The following CERS3 variants were observed in gnomAD, a reference collection of about 807,000 sequenced individuals.
CERS3 encodes ceramide synthase 3.
A neutral mutation model predicts 50.3 loss-of-function variants in CERS3; 33 were observed. The ratio of observed to expected loss-of-function variants is 0.66; its 90% CI spans 0.50 to 0.88. The LOEUF (loss-of-function observed/expected upper bound fraction) is 0.88, where lower values mean the gene tolerates loss of function less well. Among genes scored for constraint, CERS3 ranks in the 40% least tolerant of loss-of-function variants. CERS3 has a pLI of 0.00. For synonymous variants in CERS3, 176 were observed against 155.2 expected, an observed-to-expected ratio of 1.13 and a Z score of -0.99; for missense variants, 470 against 460.3, an observed-to-expected ratio of 1.02 and a Z score of -0.19.
At chr15:100,406,941 G>C (rs143770758) in intron 11 of CERS3, among the ~76,000 whole-genome samples, 2,768 of 152,326 alleles carry the variant, frequency 0.018, 29 homozygotes, top group Middle Eastern at 0.085. Flanking sequence ...CGGGCAAAGA[G>C]AGAGAGAGAG....
chr15:100,533,992 G>C (rs1254103704), intron 1 of CERS3, among the ~76,000 whole-genome samples: 2 of 152,178 alleles, frequency 1.3e-5, no homozygotes, highest in Non-Finnish European at 2.9e-5. Context: ...ATGCAAAGGA[G>C]TCTTAGAATT....
chr15:100,461,390 A>C (rs765477875), intron 10 of CERS3, among the ~76,000 whole-genome samples: 2 of 152,154 alleles, frequency 1.3e-5, no homozygotes, highest in African/African-American at 2.4e-5. Context: ...CTGGGCAGAG[A>C]GGAGAGGCCA....
chr15:100,541,629 G>A (rs146770010), intron 1 of CERS3, among the ~76,000 whole-genome samples: 1 of 152,122 alleles, frequency 6.6e-6, no homozygotes, highest in East Asian at 1.9e-4. Flanking sequence ...TTTGTTGGGT[G>A]CTGTTTGAAC....
At chr15:100,411,275 C>T (rs1389247755) in intron 11 of CERS3, among the ~76,000 whole-genome samples, 2 of 152,132 alleles carry the variant, frequency 1.3e-5, no homozygotes, top group Non-Finnish European at 2.9e-5. Flanking sequence ...GATTCTCCTG[C>T]CTCAGCCTCC....
intron 11 of CERS3, among the ~76,000 whole-genome samples, chr15:100,417,251 G>T (rs893025210): frequency 6.6e-6 from 1 of 151,798 alleles, no homozygotes; most frequent in Non-Finnish European, 1.5e-5. Flanking sequence ...GAAGCAGGGC[G>T]AGGCATTGCC....
intron 3 of CERS3, among the ~76,000 whole-genome samples, chr15:100,499,333 C>G (rs2035929407): frequency 2.6e-5 from 4 of 152,016 alleles, no homozygotes. Context: ...AACTAGTAGT[C>G]TGGACAAAAT....
chr15:100,469,539 T>A (rs2034897088), intron 9 of CERS3, 55 bp from the exon 10 acceptor site: 1 of 1,252,302 alleles, frequency 8.0e-7, no homozygotes, highest in African/African-American at 1.5e-5. Context: ...ATTTTTAAAG[T>A]TAAATTTATA....
intron 11 of CERS3, among the ~76,000 whole-genome samples, chr15:100,423,571 G>C (rs1596634327): frequency 6.6e-6 from 1 of 152,134 alleles, no homozygotes; most frequent in Non-Finnish European, 1.5e-5. Flanking sequence ...GACACAAAGA[G>C]GGGTACAACA....
intron 4 of CERS3, among the ~76,000 whole-genome samples, chr15:100,489,182 C>G (rs1217877753): frequency 2.0e-5 from 3 of 152,200 alleles, no homozygotes; most frequent in Non-Finnish European, 4.4e-5. Flanking sequence ...CAGCACCAGT[C>G]TTTAAAATAT....
chr15:100,484,799 G>C, intron 4 of CERS3, 131 bp from the exon 5 acceptor site: 1 of 677,964 alleles, frequency 1.5e-6, no homozygotes, highest in Non-Finnish European at 2.6e-6. Flanking sequence ...GAGACCTGGA[G>C]CCAGGGAATT....
intron 11 of CERS3, among the ~76,000 whole-genome samples, chr15:100,452,841 A>G (rs2034222133): frequency 6.6e-6 from 1 of 152,146 alleles, no homozygotes. Context: ...ACAGAAATAT[A>G]AAGATTATCA....
intron 11 of CERS3, among the ~76,000 whole-genome samples, chr15:100,449,822 G>A (rs957233869): frequency 2.5e-4 from 38 of 149,374 alleles, no homozygotes; most frequent in Middle Eastern, 3.6e-3. Context: ...TTAAGGACAC[G>A]GAAACATAAA....
intron 1 of CERS3, among the ~76,000 whole-genome samples, chr15:100,536,409 C>G (rs1567691440): frequency 6.6e-6 from 1 of 152,140 alleles, no homozygotes; most frequent in Non-Finnish European, 1.5e-5. Flanking sequence ...TTTAGCCTCC[C>G]AAGTAGCTGG....
intron 1 of CERS3, among the ~76,000 whole-genome samples, chr15:100,534,503 A>C (rs1230608108): frequency 4.0e-5 from 6 of 151,532 alleles, no homozygotes; most frequent in Non-Finnish European, 8.8e-5. Flanking sequence ...AAGGAAAATA[A>C]ATCTTGGGGC....
chr15:100,495,126 A>G (rs1490766421), intron 3 of CERS3, among the ~76,000 whole-genome samples: 3 of 152,220 alleles, frequency 2.0e-5, no homozygotes, highest in African/African-American at 7.2e-5. Context: ...CCAGAGAACC[A>G]TCAGACAGGT....
intron 2 of CERS3, 30 bp downstream of exon 2, chr15:100,521,637 G>A (rs1043652171): frequency 1.3e-5 from 2 of 151,866 alleles, no homozygotes; most frequent in Non-Finnish European, 2.9e-5. Context: ...ACACAGTAGA[G>A]GTAAAATAAA....
intron 3 of CERS3, among the ~76,000 whole-genome samples, chr15:100,501,146 T>A (rs2035984204): frequency 6.6e-6 from 1 of 152,244 alleles, no homozygotes; most frequent in Non-Finnish European, 1.5e-5. Context: ...AGTTTTTCTC[T>A]TTGATTTCCT....
intron 3 of CERS3, among the ~76,000 whole-genome samples, chr15:100,496,378 C>T (rs1039614422): frequency 6.6e-6 from 1 of 151,816 alleles, no homozygotes; most frequent in Non-Finnish European, 1.5e-5. Context: ...ATATACATAA[C>T]ATGAAAAAAA....
rs574991706 is a variant in CERS3, at chr15:100,465,659, C to CTT, written c.845+3717_845+3718dup. Among the ~76,000 whole-genome samples, 474 of 140,848 alleles carry CTT rather than the reference C, an allele frequency of 3.4e-3. 2 individuals are homozygous for CTT. Among genetic ancestry groups the CTT allele is most frequent in the African/African-American group, 0.012 (440 of 38,230 alleles). The allele number at this position is 140,848 out of a possible 152,430, so 92.4% of individuals were successfully genotyped here. ...GAAAAGTTTTTGCTGTTGTTTTGAACTTTTTTTTTTTTTTTTGAGATGGAG... is the reference window on the plus strand; with the variant it reads ...GAAAAGTTTTTGCTGTTGTTTTGAACTTTTTTTTTTTTTTTTTTGAGATGGAG... On this transcript the variant is annotated intron_variant, in intron 10 of 11. Coordinates refer to ENST00000679737, the MANE Select transcript of CERS3 (RefSeq NM_001378789.1).
Sources: gnomAD v4.1 joint callset for allele counts (sites outside exome capture counted in the v4.1 genomes callset) on GRCh38, gnomAD v4.1.1 for gene constraint, MANE v1.5 for transcripts, NCBI Gene and HGNC (gene_info 2026-07-23, HGNC 2026-07-21) for gene names.